DLGAP1: variants seen among roughly 807,000 people sequenced by gnomAD.
DLGAP1 encodes DLG associated protein 1.
Under a neutral mutation model 90.8 loss-of-function variants are expected in DLGAP1, and 11 were observed. The observed-to-expected ratio is 0.12, with a 90% confidence interval of 0.08 to 0.20. The LOEUF (loss-of-function observed/expected upper bound fraction) is 0.20. Ranked by LOEUF, DLGAP1 falls within the 10% of genes least tolerant of loss-of-function variation. The pLI is 1.00. For missense variants in DLGAP1, 1,050 were observed against 1,333.8 expected (o/e 0.79, Z 3.31); for synonymous variants, 558 against 540.7 (o/e 1.03, Z -0.44).
intron 5 of DLGAP1, among the ~76,000 whole-genome samples, chr18:3,801,913 A>G (rs574505061): frequency 6.6e-6 from 1 of 152,282 alleles, no homozygotes; most frequent in Non-Finnish European, 1.5e-5. Flanking sequence ...AATAAGAAAA[A>G]AAATCTCTCT....
At chr18:4,273,817 T>C (rs1477521111) in intron 1 of DLGAP1, among the ~76,000 whole-genome samples, 5 of 152,248 alleles carry the variant, frequency 3.3e-5, no homozygotes, top group African/African-American at 7.2e-5. Flanking sequence ...TAGTATTTTC[T>C]TACAATGCTT....
intron 3 of DLGAP1, among the ~76,000 whole-genome samples, chr18:3,933,233 G>C (rs796800893): frequency 8.5e-5 from 13 of 152,320 alleles, no homozygotes; most frequent in African/African-American, 2.9e-4. Flanking sequence ...GCTAAAATAA[G>C]AGGGGAATTC....
intron 1 of DLGAP1, among the ~76,000 whole-genome samples, chr18:4,429,447 T>C (rs1201525647): frequency 6.6e-6 from 1 of 152,258 alleles, no homozygotes; most frequent in Non-Finnish European, 1.5e-5. Flanking sequence ...TTTTGATTTT[T>C]GCATGTTCTT....
At chr18:4,052,415 C>T (rs894676057) in intron 2 of DLGAP1, among the ~76,000 whole-genome samples, 1 of 152,164 alleles carries the variant, frequency 6.6e-6, no homozygotes, top group African/African-American at 2.4e-5. Flanking sequence ...GGCTGGGGGG[C>T]TTGCACCCTC....
chr18:3,915,709 A>G (rs913819742), intron 3 of DLGAP1, among the ~76,000 whole-genome samples: 2 of 152,242 alleles, frequency 1.3e-5, no homozygotes, highest in African/African-American at 4.8e-5. Context: ...TTTCTGAAAT[A>G]TCAGTTACAT....
chr18:4,148,064 T>C (rs185069248), intron 2 of DLGAP1, among the ~76,000 whole-genome samples: 143 of 152,326 alleles, frequency 9.4e-4, no homozygotes, highest in Middle Eastern at 6.8e-3. Flanking sequence ...TCCTTGTCTC[T>C]CTTTTCCATT....
In DLGAP1 at chr18:3,879,997, C is replaced by T. The variant is rs751387476; in HGVS notation, c.72G>A (p.Ser24=). 1.2e-5 allele frequency: 20 copies of T among 1,611,086 alleles called. No homozygotes were observed. Among genetic ancestry groups the T allele is most frequent in the Middle Eastern group, 1.7e-4 (1 of 5,812 alleles). Reference sequence around the variant, plus strand: ...GGTAGGGCTTGCGGTCGGAGTGGTGCGACAGCGAGTCACAGGCCGAGTCGC... The same window carrying T: ...GGTAGGGCTTGCGGTCGGAGTGGTGTGACAGCGAGTCACAGGCCGAGTCGC... The part of the protein sequence containing the change: ...VTCDSACDSL[S]HHSDRKPYLL... Residue 24 remains serine (S), a synonymous_variant, in exon 4 of 13, where the codon TCG becomes TCA. Coordinates refer to ENST00000315677, the MANE Select transcript of DLGAP1 (RefSeq NM_004746.4). The surrounding 1 kb of genome is among the most constrained non-coding windows in gnomAD (Gnocchi z 6.6).
rs892074368 is a variant in DLGAP1, at chr18:3,498,359, T to C, written c.*826A>G. The C allele has an allele frequency of 6.6e-6, 1 of 152,182 alleles. No individual in the cohort carries two copies. The highest frequency in any genetic ancestry group is 2.4e-5 in the African/African-American group (1 of 41,454). 9.4% of individuals were successfully genotyped at this position (152,182 alleles called of 1,614,324 possible). On this transcript the variant is annotated 3_prime_UTR_variant, in exon 13 of 13. Transcript: ENST00000315677. ...TTTTCTTAATAATAGAACAAAAAAA[T>C]CCCTTATGTAGTATACTAAACCATC...
chr18:3,978,894 G>A (rs1036905704), intron 3 of DLGAP1, among the ~76,000 whole-genome samples: 1 of 152,136 alleles, frequency 6.6e-6, no homozygotes, highest in Admixed American at 6.5e-5. Flanking sequence ...GGTTTTAGAG[G>A]AAGAATTAAA....
intron 7 of DLGAP1, among the ~76,000 whole-genome samples, chr18:3,725,163 G>C (rs567657763): frequency 2.3e-4 from 35 of 152,198 alleles, no homozygotes; most frequent in South Asian, 1.0e-3. Flanking sequence ...ACATTTACGA[G>C]TGTGTGCCTG....
chr18:3,855,759 G>A (rs1243667662), intron 4 of DLGAP1, among the ~76,000 whole-genome samples: 6 of 152,062 alleles, frequency 3.9e-5, no homozygotes, highest in African/African-American at 1.2e-4. Context: ...GACTACAGAC[G>A]CGTGCCACCA....
chr18:3,682,928 G>A (rs1363184886), intron 7 of DLGAP1, among the ~76,000 whole-genome samples: 1 of 151,334 alleles, frequency 6.6e-6, no homozygotes, highest in East Asian at 1.9e-4. Flanking sequence ...CATGATCTCA[G>A]CTCACGGCAA....
intron 7 of DLGAP1, among the ~76,000 whole-genome samples, chr18:3,687,662 AG>A: frequency 1.3e-5 from 2 of 152,340 alleles, no homozygotes; most frequent in Middle Eastern, 3.4e-3. Context: ...AAATACTTGA[AG>A]ATATAGCTAT....
chr18:3,773,495 T>C (rs1403121141), intron 5 of DLGAP1, among the ~76,000 whole-genome samples: 1 of 152,192 alleles, frequency 6.6e-6, no homozygotes, highest in Non-Finnish European at 1.5e-5. Flanking sequence ...TAGTTAATAG[T>C]TTATTGTTAT....
intron 3 of DLGAP1, chr18:3,995,198 T>C (rs1205655439): frequency 6.6e-6 from 1 of 152,100 alleles, no homozygotes; most frequent in South Asian, 2.1e-4. Context: ...AATTACTTAA[T>C]ACACTTTTGT....
At chr18:3,966,901 A>T (rs1316724910) in intron 3 of DLGAP1, among the ~76,000 whole-genome samples, 1 of 152,166 alleles carries the variant, frequency 6.6e-6, no homozygotes, top group African/African-American at 2.4e-5. Context: ...TCATCTAGGA[A>T]TAGAGGAGAA....
Position 3,880,126 on chromosome 18 carries a change from G to C in DLGAP1, c.-58C>G. On this transcript the variant is annotated 5_prime_UTR_variant, in exon 4 of 13. Transcript: ENST00000315677. Reference sequence around the variant, plus strand: ...CACCCGGAAGTCAGGCTCCAGACCCGTCTTGGGCAGGGATCTGGGGGAATG... The same window carrying C: ...CACCCGGAAGTCAGGCTCCAGACCCCTCTTGGGCAGGGATCTGGGGGAATG... The C allele has an allele frequency of 6.6e-7, 1 of 1,507,830 alleles. No homozygotes were observed. The highest frequency in any genetic ancestry group is 9.1e-7 in the Non-Finnish European group (1 of 1,101,174). The allele number at this position is 1,507,830 out of a possible 1,614,324, so 93.4% of individuals were successfully genotyped here. A position where few individuals can be genotyped will look rare whatever the true frequency, so the allele number is the denominator to read the frequency against.
intron 1 of DLGAP1, among the ~76,000 whole-genome samples, chr18:4,312,793 A>T (rs892746317): frequency 6.6e-6 from 1 of 152,222 alleles, no homozygotes; most frequent in Non-Finnish European, 1.5e-5. Flanking sequence ...TACAGAAATA[A>T]CAGATTTTTG....
intron 1 of DLGAP1, among the ~76,000 whole-genome samples, chr18:4,266,353 C>T (rs1205081747): frequency 6.6e-6 from 1 of 152,156 alleles, no homozygotes; most frequent in Admixed American, 6.5e-5. Context: ...AATACAATGC[C>T]ACAGACTAGA....
Sources: allele counts gnomAD v4.1 joint callset (sites outside exome capture counted in the v4.1 genomes callset), GRCh38; gene constraint gnomAD v4.1.1; non-coding constraint Gnocchi (gnomAD v3.1); transcripts MANE v1.5; gene names NCBI Gene and HGNC (gene_info 2026-07-23, HGNC 2026-07-21).